CLEC10A: variants seen among roughly 807,000 people sequenced by gnomAD.
CLEC10A encodes the protein C-type lectin domain family 10 member A.
In CLEC10A, 38 loss-of-function variants were observed where a neutral mutation model predicts 42.0. The observed-to-expected ratio is 0.90, with a 90% CI of 0.70 to 1.18. The LOEUF (loss-of-function observed/expected upper bound fraction) is 1.18, where lower values mean the gene tolerates loss of function less well. Ranked by LOEUF, CLEC10A falls within the 50% of genes most tolerant of loss-of-function variation. CLEC10A has a pLI of 0.00. For missense variants in CLEC10A, 298 were observed against 345.9 expected (o/e 0.86, Z 1.10); for synonymous variants, 126 against 139.9 (o/e 0.90, Z 0.70).
intron 3 of CLEC10A, 57 bp downstream of exon 3, chr17:7,077,940 T>G: frequency 1.5e-6 from 2 of 1,325,248 alleles, no homozygotes; most frequent in East Asian, 2.3e-5. Flanking sequence ...TAGCACCCCA[T>G]TATTTATCTT....
At chr17:7,077,573 A>G (rs1215955763) in intron 3 of CLEC10A, among the ~76,000 whole-genome samples, 2 of 29,680 alleles carry the variant, frequency 6.7e-5, no homozygotes, top group African/African-American at 3.0e-4. Context: ...CCCCCCCACC[A>G]TTCCCATCAA....
At position 7,074,538 on chromosome 17, in the gene CLEC10A, A is replaced by G. The variant is rs1307427703; in HGVS notation, c.*516T>C. 1.3e-5 allele frequency: 2 copies of G among 152,306 alleles called. No homozygotes were observed. Among genetic ancestry groups the G allele is most frequent in the Non-Finnish European group, 2.9e-5 (2 of 68,098 alleles). 9.4% of individuals were successfully genotyped at this position (152,306 alleles called of 1,614,324 possible). On this transcript the variant is annotated 3_prime_UTR_variant, in exon 9 of 9. Coordinates refer to ENST00000416562, the MANE Select transcript of CLEC10A (RefSeq NM_001330070.2). ...AAAAATCAAGCAACACAAAGTACGT[A>G]AGTTCTCACGAGAGTATATATTCAC...
At chr17:7,075,617 G>A (rs1210481080) in intron 7 of CLEC10A, 114 bp downstream of exon 7, 1 of 1,512,782 alleles carries the variant, frequency 6.6e-7, no homozygotes, top group Non-Finnish European at 9.2e-7. Flanking sequence ...TGAGGGTGTG[G>A]CACAGATGAC....
chr17:7,077,788 C>G (rs1413972845), intron 3 of CLEC10A, among the ~76,000 whole-genome samples: 1 of 152,032 alleles, frequency 6.6e-6, no homozygotes, highest in Non-Finnish European at 1.5e-5. Flanking sequence ...ATCAGTGCTT[C>G]AGTGGCTCTG....
intron 2 of CLEC10A, chr17:7,078,505 A>G (rs1911989387): frequency 1.8e-6 from 1 of 558,868 alleles, no homozygotes; most frequent in Admixed American, 3.0e-5. Context: ...TCCCTCCACC[A>G]ATGCGCAGCT....
At chr17:7,077,663 TGTG>T (rs1911896055) in intron 3 of CLEC10A, among the ~76,000 whole-genome samples, 1 of 44,582 alleles carries the variant, frequency 2.2e-5, no homozygotes, top group Non-Finnish European at 4.2e-5. Flanking sequence ...TCACTCCGTC[TGTG>T]CCCCCACCAC....
In CLEC10A at chr17:7,076,756, C is replaced by T. The variant is rs757122782; in HGVS notation, c.329G>A (p.Gly110Asp). ...ACCTGCCTGCCGTTCCTGCTTGAAACCCTCCACCTCAGCTTTCAGAGATGC... is the reference window on the plus strand; with the variant it reads ...ACCTGCCTGCCGTTCCTGCTTGAAATCCTCCACCTCAGCTTTCAGAGATGC... ...TIASLKAEVE[G>D]FKQERQAVHS... The change falls in exon 5 of 9, where the codon GGT (glycine) becomes GAT (aspartate). Residue 110 changes from glycine to aspartate, a missense_variant. By Grantham distance (94) the Gly-to-Asp change is moderately conservative (BLOSUM62 -1). Coordinates refer to ENST00000416562, the MANE Select transcript of CLEC10A (RefSeq NM_001330070.2). 1 of 1,613,740 alleles carries T rather than the reference C, an allele frequency of 6.2e-7. No individual in the cohort carries two copies. Among genetic ancestry groups the T allele is most frequent in the Non-Finnish European group, 8.5e-7 (1 of 1,179,926 alleles).
chr17:7,077,784 G>GCCCTCTCCTCCATTCCCATCAATCACTC (rs1911932613), intron 3 of CLEC10A, among the ~76,000 whole-genome samples: 2 of 45,602 alleles, frequency 4.4e-5, no homozygotes, highest in Admixed American at 1.9e-4. Flanking sequence ...CCCCATCAGT[G>GCCCTCTCCTCCATTCCCATCAATCACTC]CTTCAGTGGC....
chr17:7,075,676 G>A (rs574360159), intron 7 of CLEC10A, 55 bp downstream of exon 7: 419 of 1,612,976 alleles, frequency 2.6e-4, no homozygotes, highest in Non-Finnish European at 3.5e-4. Context: ...CCAAGCTTAA[G>A]AACCATTTCC....
chr17:7,076,833 G>C, intron 4 of CLEC10A, 29 bp from the exon 5 acceptor site: 1 of 1,613,838 alleles, frequency 6.2e-7, no homozygotes, highest in Non-Finnish European at 8.5e-7. Context: ...TGGCTTAGGG[G>C]TCAACTTCCT....
intron 6 of CLEC10A, 40 bp downstream of exon 6, chr17:7,075,945 G>A: frequency 5.6e-6 from 9 of 1,612,878 alleles, no homozygotes; most frequent in Non-Finnish European, 7.6e-6. Flanking sequence ...TGGGCCATGG[G>A]CAGAAAAGTA....
chr17:7,075,784 ACTTCTCAGCCTCGGCCCAGGACATCC>A lies in CLEC10A; in HGVS notation c.515_540del (p.Gly172ValfsTer36). ...AGGTGGGCGTTCTTCAGCTGGCAGTACTTCTCAGCCTCGGCCCAGGACATCCCAGAGTGAGAGAACCAGTAGCAGCT... is the reference window on the plus strand; with the variant it reads ...AGGTGGGCGTTCTTCAGCTGGCAGTACAGAGTGAGAGAACCAGTAGCAGCT... On this transcript the variant is annotated frameshift_variant, in exon 7 of 9. Coordinates refer to ENST00000416562, the MANE Select transcript of CLEC10A (RefSeq NM_001330070.2). LOFTEE classifies it high-confidence loss of function. The A allele has an allele frequency of 6.2e-7, 1 of 1,614,160 alleles. No homozygotes were observed. The highest frequency in any genetic ancestry group is 8.5e-7 in the Non-Finnish European group (1 of 1,180,030).
chr17:7,076,396 C>T (rs1346960414), intron 5 of CLEC10A, among the ~76,000 whole-genome samples: 2 of 150,566 alleles, frequency 1.3e-5, no homozygotes, highest in Non-Finnish European at 3.0e-5. Context: ...CGGCTACCTC[C>T]GCCTCCCGTG....
intron 7 of CLEC10A, 89 bp from the exon 8 acceptor site, chr17:7,075,555 C>T (rs755158327): frequency 1.4e-4 from 204 of 1,423,094 alleles, no homozygotes; most frequent in Admixed American, 2.4e-4. Context: ...TTCGTTAAAT[C>T]AACTGAGGAG....
At chr17:7,078,985 G>GA (rs1912023901) in intron 1 of CLEC10A, 100 bp from the exon 2 acceptor site, 5 of 651,502 alleles carry the variant, frequency 7.7e-6, no homozygotes, top group African/African-American at 5.4e-5. Context: ...GGGTTAAGAC[G>GA]GAAATGAGCC....
chr17:7,077,981 C>T lies in CLEC10A; in HGVS notation c.184+16G>A, dbSNP rs379136. On this transcript the variant is annotated intron_variant, in intron 3 of 8. Transcript: ENST00000416562. ...CCATTATTTCTCTCTTCCCTGTCCA[C>T]CCCTGTGACCCTCACTTTGGAATCC... 3,250 of 1,572,534 alleles carry T rather than the reference C, an allele frequency of 2.1e-3. 46 individuals carry two copies. The African/African-American group carries it at 0.033, about 16-fold the overall frequency.
In CLEC10A at chr17:7,077,982, C is replaced by G; in HGVS notation, c.184+15G>C. On this transcript the variant is annotated intron_variant, in intron 3 of 8. Transcript: ENST00000416562. ...CATTATTTCTCTCTTCCCTGTCCACCCCTGTGACCCTCACTTTGGAATCCA... is the reference window on the plus strand; with the variant it reads ...CATTATTTCTCTCTTCCCTGTCCACGCCTGTGACCCTCACTTTGGAATCCA... 1 of 1,575,844 alleles carries G rather than the reference C, an allele frequency of 6.3e-7. No homozygotes were observed. Among genetic ancestry groups the G allele is most frequent in the Non-Finnish European group, 8.7e-7 (1 of 1,146,284 alleles).
chr17:7,075,738 T>G lies in CLEC10A; in HGVS notation c.587A>C (p.Glu196Ala). Residue 196 changes from glutamate to alanine, a missense_variant, in exon 7 of 9, where the codon GAG becomes GCG. Physicochemically the swap from Glu to Ala is moderately radical, Grantham distance 107. Transcript: ENST00000416562. ...NAHLVVINSREEQNFVQKYLG... is the reference protein window; with the variant it reads ...NAHLVVINSRAEQNFVQKYLG... Reference sequence around the variant, plus strand: ...AGTACCAGAAGCCCTCACCTGCTCCTCCCTGGAGTTGATGACCACCAGGTG... The same window carrying G: ...AGTACCAGAAGCCCTCACCTGCTCCGCCCTGGAGTTGATGACCACCAGGTG... 6.2e-7 allele frequency: 1 copy of G among 1,614,198 alleles called. No homozygotes were observed. Among genetic ancestry groups the G allele is most frequent in the Admixed American group, 1.7e-5 (1 of 60,020 alleles).
intron 1 of CLEC10A, 28 bp from the exon 2 acceptor site, chr17:7,078,913 T>C (rs1912020334): frequency 1.3e-5 from 14 of 1,071,414 alleles, no homozygotes; most frequent in Non-Finnish European, 2.0e-5. Context: ...GGGACTAAGT[T>C]GGAGCCAAGG....
Sources: gnomAD v4.1 joint callset for allele counts (sites outside exome capture counted in the v4.1 genomes callset) on GRCh38, gnomAD v4.1.1 for gene constraint, MANE v1.5 for transcripts, NCBI Gene and HGNC (gene_info 2026-07-23, HGNC 2026-07-21) for gene names.